The following MSR1 variants were observed in gnomAD, a reference collection of about 807,000 sequenced individuals.
The protein encoded by MSR1 is macrophage scavenger receptor types I and II.
A neutral mutation model predicts 47.2 loss-of-function variants in MSR1; 53 were observed. That is an observed-to-expected ratio of 1.12 (90% CI 0.90 to 1.41). The LOEUF (loss-of-function observed/expected upper bound fraction) is 1.41, where lower values mean the gene tolerates loss of function less well. MSR1 is among the 40% of genes most tolerant of loss of function. MSR1 has a pLI of 0.00. For missense variants in MSR1, 786 were observed against 546.9 expected (o/e 1.44, Z -4.36); for synonymous variants, 239 against 185.6 (o/e 1.29, Z -2.34).
At chr8:16,124,061 G>GAC (rs1244766673) in intron 8 of MSR1, among the ~76,000 whole-genome samples, 1 of 152,056 alleles carries the variant, frequency 6.6e-6, no homozygotes, top group African/African-American at 2.4e-5. Flanking sequence ...TGACAGTTCT[G>GAC]ACACTCACCT....
intron 9 of MSR1, among the ~76,000 whole-genome samples, chr8:16,113,023 T>C (rs1011987501): frequency 1.4e-5 from 2 of 147,008 alleles, no homozygotes; most frequent in Non-Finnish European, 3.0e-5. Context: ...TGATCTCGGC[T>C]CACTGCACTT....
At chr8:16,140,079 G>GTCAATTAA in intron 8 of MSR1, 3 of 954,414 alleles carry the variant, frequency 3.1e-6, no homozygotes, top group Non-Finnish European at 3.7e-6. Flanking sequence ...TAATGGACAT[G>GTCAATTAA]TGAATTAATG....
chr8:16,189,919 T>TTA (rs1382341681), intron 1 of MSR1, among the ~76,000 whole-genome samples: 65 of 145,658 alleles, frequency 4.5e-4, no homozygotes, highest in Middle Eastern at 3.6e-3. Flanking sequence ...TATTTCCTTT[T>TTA]TTTTTTTTTT....
At chr8:16,120,350 C>G (rs1051086163) in intron 9 of MSR1, 68 bp downstream of exon 9, 1 of 1,558,806 alleles carries the variant, frequency 6.4e-7, no homozygotes, top group Non-Finnish European at 8.8e-7. Context: ...GCACTCCAGT[C>G]TGGGCGACAG....
chr8:16,182,743 A>T (rs1199603108), intron 1 of MSR1, among the ~76,000 whole-genome samples: 4 of 152,112 alleles, frequency 2.6e-5, no homozygotes, highest in East Asian at 3.9e-4. Context: ...ATCTCCTATG[A>T]TAACATTGCC....
chr8:16,125,298 T>A (rs1800104337), intron 8 of MSR1, among the ~76,000 whole-genome samples: 1 of 152,198 alleles, frequency 6.6e-6, no homozygotes, highest in African/African-American at 2.4e-5. Flanking sequence ...TTGGGAAATC[T>A]GCATGGGAAG....
intron 8 of MSR1, among the ~76,000 whole-genome samples, chr8:16,133,451 G>A (rs1191685332): frequency 1.3e-5 from 2 of 152,128 alleles, no homozygotes; most frequent in East Asian, 1.9e-4. Context: ...TGAGAGAAAT[G>A]AGCAAGAGCA....
intron 9 of MSR1, among the ~76,000 whole-genome samples, chr8:16,116,372 G>T (rs187635571): frequency 6.6e-6 from 1 of 152,188 alleles, no homozygotes. Flanking sequence ...TTCACTAGAT[G>T]CTGAAAAAAT....
Position 16,132,355 on chromosome 8 carries a change from T to C in MSR1, c.1033+11203A>G, listed in dbSNP as rs190450830. Among the ~76,000 whole-genome samples the C allele has an allele frequency of 1.3e-4, 20 of 152,240 alleles. No homozygotes were observed. The East Asian group carries it at 3.5e-3, about 26-fold the overall frequency. On this transcript the variant is annotated intron_variant, in intron 8 of 9. Coordinates refer to ENST00000262101, the MANE Select transcript of MSR1 (RefSeq NM_138715.3). ...ACTGATTTTGTATCCTGAAACTTTG[T>C]TGAAGTTGTTTATCAGCTGAAAGAG...
chr8:16,156,730 T>C (rs1350660918), intron 5 of MSR1, among the ~76,000 whole-genome samples: 1 of 151,844 alleles, frequency 6.6e-6, no homozygotes, highest in East Asian at 1.9e-4. Context: ...ATAATCGTCA[T>C]GCAAACAACA....
At chr8:16,178,184 T>A (rs1215414458) in intron 1 of MSR1, among the ~76,000 whole-genome samples, 192 bp from the exon 2 acceptor site, 1 of 151,910 alleles carries the variant, frequency 6.6e-6, no homozygotes, top group African/African-American at 2.4e-5. Context: ...ACATGTACCA[T>A]GTTGGTGTGC....
intron 8 of MSR1, among the ~76,000 whole-genome samples, chr8:16,124,027 AC>A (rs1470041941): frequency 1.2e-4 from 18 of 152,284 alleles, no homozygotes; most frequent in African/African-American, 3.8e-4. Context: ...GATGACAGTT[AC>A]TGTCTCTTTC....
chr8:16,115,003 C>T (rs930334033), intron 9 of MSR1, among the ~76,000 whole-genome samples: 6 of 151,616 alleles, frequency 4.0e-5, no homozygotes, highest in Non-Finnish European at 8.8e-5. Context: ...CATGGAGAAA[C>T]CCCGTCTCTA....
chr8:16,147,368 A>C (rs778392768), intron 7 of MSR1, among the ~76,000 whole-genome samples: 3 of 152,232 alleles, frequency 2.0e-5, no homozygotes, highest in African/African-American at 7.2e-5. Flanking sequence ...TCCATGTAGA[A>C]GGAAAGGGCA....
At chr8:16,183,790 T>A in intron 1 of MSR1, among the ~76,000 whole-genome samples, 1 of 143,600 alleles carries the variant, frequency 7.0e-6, no homozygotes, top group Non-Finnish European at 1.5e-5. Flanking sequence ...GTTAATATAT[T>A]ATATATTATA....
chr8:16,111,119 T>C (rs1799747460), intron 9 of MSR1, among the ~76,000 whole-genome samples: 1 of 152,152 alleles, frequency 6.6e-6, no homozygotes, highest in Non-Finnish European at 1.5e-5. Flanking sequence ...TGTTTGTATG[T>C]GTATACGTAT....
rs369368505 is a variant in MSR1 at position 16,164,157 on chromosome 8, C to A, written c.725G>T (p.Gly242Val). 26 of 1,611,968 alleles carry A rather than the reference C, an allele frequency of 1.6e-5. No individual in the cohort carries two copies. The African/African-American group carries it at 2.7e-4, about 17-fold the overall frequency. The part of the protein sequence containing the change: ...EQVHLEQEIK[G>V]EVKVLNNITN... Reference sequence around the variant, plus strand: ...GATGTTATTCAGTACTTTCACTTCTCCTTTTATTTCCTGTTCCAAATGCAC... The same window carrying A: ...GATGTTATTCAGTACTTTCACTTCTACTTTTATTTCCTGTTCCAAATGCAC... Residue 242 changes from glycine to valine, a missense_variant, in exon 5 of 10, where the codon GGA (glycine) becomes GTA (valine). Coordinates refer to ENST00000262101, the MANE Select transcript of MSR1 (RefSeq NM_138715.3).
At chr8:16,140,285 G>C (rs1320742329) in intron 8 of MSR1, 1 of 976,988 alleles carries the variant, frequency 1.0e-6, no homozygotes. Context: ...CTTAAAACAA[G>C]AAAAAGAAAA....
At chr8:16,126,494 T>C (rs927506738) in intron 8 of MSR1, among the ~76,000 whole-genome samples, 2 of 152,154 alleles carry the variant, frequency 1.3e-5, no homozygotes, top group Admixed American at 1.3e-4. Context: ...CAGTTTGACC[T>C]GAAAGTTCTC....
Sources: allele counts gnomAD v4.1 joint callset (sites outside exome capture counted in the v4.1 genomes callset), GRCh38; gene constraint gnomAD v4.1.1; transcripts MANE v1.5; gene names NCBI Gene and HGNC (gene_info 2026-07-23, HGNC 2026-07-21).